ADD2: variants seen among roughly 807,000 people sequenced by gnomAD.
The protein encoded by ADD2 is beta-adducin.
In ADD2, 23 loss-of-function variants were observed where a neutral mutation model predicts 83.0. That is an observed-to-expected ratio of 0.28 (90% CI 0.20 to 0.39). The LOEUF (loss-of-function observed/expected upper bound fraction) is 0.39. Among genes scored for constraint, ADD2 ranks in the 10% least tolerant of loss-of-function variants. The pLI is 1.00. For missense variants in ADD2, 758 were observed against 944.9 expected (o/e 0.80, Z 2.59); for synonymous variants, 375 against 375.4 (o/e 1.00, Z 0.01).
chr2:70,742,376 T>C (rs1414006989), intron 1 of ADD2, among the ~76,000 whole-genome samples: 2 of 152,174 alleles, frequency 1.3e-5, no homozygotes, highest in Non-Finnish European at 2.9e-5. Flanking sequence ...CAGCTACATC[T>C]GCTTGGAATC....
intron 1 of ADD2, among the ~76,000 whole-genome samples, chr2:70,741,112 G>T (rs1411278986): frequency 6.6e-6 from 1 of 152,198 alleles, no homozygotes. Flanking sequence ...AAAAAGAAAT[G>T]ATAAATTGCC....
At position 70,663,413 on chromosome 2, in the gene ADD2, G is replaced by C. The variant is rs2104137808; in HGVS notation, c.*12C>G. ...AGAGAGGAGGCAGGAGGGAGCCCAAGGGTGTCATGAATCAGGACTCCACTT... is the reference window on the plus strand; with the variant it reads ...AGAGAGGAGGCAGGAGGGAGCCCAACGGTGTCATGAATCAGGACTCCACTT... On this transcript the variant is annotated 3_prime_UTR_variant, in exon 16 of 16. Coordinates refer to ENST00000264436, the MANE Select transcript of ADD2 (RefSeq NM_001617.4). 2.5e-6 allele frequency: 4 copies of C among 1,607,284 alleles called. No individual in the cohort carries two copies. The highest frequency in any genetic ancestry group is 2.2e-5 in the South Asian group (2 of 90,084).
chr2:70,674,746 C>T lies in ADD2; in HGVS notation c.1673G>A (p.Ser558Asn). Residue 558 changes from serine to asparagine, a missense_variant, in exon 14 of 16, where the codon AGC becomes AAC. Transcript: ENST00000264436. ...CTCCAACTCCTGGTCAGTGAGTTGG[C>T]TGAAGGGGTTGGGCACCGTCTCCTC... is the stretch of plus-strand genomic sequence containing the variant. ...DSEETVPNPF[S>N]QLTDQELEEY... 1.9e-6 allele frequency: 3 copies of T among 1,614,138 alleles called. No homozygotes were observed. Among genetic ancestry groups the T allele is most frequent in the Non-Finnish European group, 2.5e-6 (3 of 1,180,008 alleles).
Position 70,713,067 on chromosome 2 carries a change from G to C in ADD2, c.-36C>G, listed in dbSNP as rs535939647. On this transcript the variant is annotated splice_region_variant and 5_prime_UTR_variant, in exon 2 of 16. Transcript: ENST00000264436. ...CACCAGAAACTACTGCTTACTTACC[G>C]GGAGGCTGGCCCAGCCCTGTCCAAG... 1 of 984,868 alleles carries C rather than the reference G, an allele frequency of 1.0e-6. No homozygotes were observed. The highest frequency in any genetic ancestry group is 4.7e-5 in the South Asian group (1 of 21,270). 61.0% of individuals were successfully genotyped at this position (984,868 alleles called of 1,614,324 possible). A position where few individuals can be genotyped will look rare whatever the true frequency, so the allele number is the denominator to read the frequency against.
At chr2:70,750,803 A>C (rs1292626270) in intron 1 of ADD2, among the ~76,000 whole-genome samples, 1 of 152,190 alleles carries the variant, frequency 6.6e-6, no homozygotes, top group African/African-American at 2.4e-5. Context: ...CTGGGAAATT[A>C]ATATACTCTG....
chr2:70,744,768 A>G (rs1337053883), intron 1 of ADD2, among the ~76,000 whole-genome samples: 4 of 152,168 alleles, frequency 2.6e-5, no homozygotes, highest in African/African-American at 4.8e-5. Flanking sequence ...GGGATGGGTC[A>G]CTAGTGGGCG....
At chr2:70,693,471 C>T (rs1553372078) in intron 6 of ADD2, among the ~76,000 whole-genome samples, 2 of 152,132 alleles carry the variant, frequency 1.3e-5, no homozygotes, top group African/African-American at 2.4e-5. Flanking sequence ...TCACCCCCAC[C>T]CCAGAAAGTC....
chr2:70,704,263 T>TGCCCCCCCCCCCCCCCCCCCCCCCC, intron 4 of ADD2, 58 bp downstream of exon 4: 28 of 913,232 alleles, frequency 3.1e-5, no homozygotes, highest in Non-Finnish European at 3.7e-5. Context: ...CTCCCTCTCT[T>TGCCCCCCCCCCCCCCCCCCCCCCCC]CCCCACCCCA....
rs1156820889 is a variant in ADD2, at chr2:70,662,200, C to G, written c.*1225G>C. The G allele has an allele frequency of 1.3e-5, 2 of 152,198 alleles. No homozygotes were observed. The highest frequency in any genetic ancestry group is 6.5e-5 in the Admixed American group (1 of 15,278). 9.4% of individuals were successfully genotyped at this position (152,198 alleles called of 1,614,324 possible). A position where few individuals can be genotyped will look rare whatever the true frequency, so the allele number is the denominator to read the frequency against. On this transcript the variant is annotated 3_prime_UTR_variant, in exon 16 of 16. Transcript: ENST00000264436. ...CATTAATCAATGCCCCACGGAAGAA[C>G]ATGAGAAGACAGTGTTGGCATTTAA...
At chr2:70,708,926 A>G (rs138385714) in intron 2 of ADD2, among the ~76,000 whole-genome samples, 241 of 152,068 alleles carry the variant, frequency 1.6e-3, no homozygotes, top group African/African-American at 5.6e-3. Context: ...TCTGTATCTC[A>G]CTTCCATTTT....
chr2:70,697,893 AC>A (rs1291263975), intron 4 of ADD2, among the ~76,000 whole-genome samples: 3 of 152,236 alleles, frequency 2.0e-5, no homozygotes, highest in African/African-American at 7.2e-5. Flanking sequence ...GGCCTTGCCA[AC>A]CAGAGGTGAT....
intron 1 of ADD2, among the ~76,000 whole-genome samples, chr2:70,735,202 CCAAA>C (rs1247623096): frequency 4.0e-5 from 6 of 151,596 alleles, no homozygotes; most frequent in Non-Finnish European, 7.4e-5. Flanking sequence ...AGTGAGACAC[CCAAA>C]CAGAGAAAAG....
chr2:70,666,388 G>C (rs1256323944), intron 15 of ADD2, among the ~76,000 whole-genome samples: 1 of 152,226 alleles, frequency 6.6e-6, no homozygotes, highest in African/African-American at 2.4e-5. Flanking sequence ...CCAGCCCTGA[G>C]TGCTGGCCTT....
rs1279014970 is a variant in ADD2, at chr2:70,762,580, A to G, written c.-154+5306T>C. ...GTAAAAACATATAAAATATACACAAATACATGTTTATATATATAATTACAT... is the reference window on the plus strand; with the variant it reads ...GTAAAAACATATAAAATATACACAAGTACATGTTTATATATATAATTACAT... On this transcript the variant is annotated intron_variant, in intron 1 of 15. Coordinates refer to ENST00000264436, the MANE Select transcript of ADD2 (RefSeq NM_001617.4). Among the ~76,000 whole-genome samples the G allele has an allele frequency of 2.0e-5, 3 of 150,616 alleles. No homozygotes were observed. The East Asian group carries it at 5.8e-4, about 29-fold the overall frequency.
chr2:70,749,708 T>C (rs1398165002), intron 1 of ADD2, among the ~76,000 whole-genome samples: 2 of 152,076 alleles, frequency 1.3e-5, no homozygotes, highest in African/African-American at 4.8e-5. Context: ...TCCTCCTCCT[T>C]CTCCCTGTCT....
chr2:70,673,921 A>T (rs1239888989), intron 14 of ADD2, among the ~76,000 whole-genome samples: 2 of 152,158 alleles, frequency 1.3e-5, no homozygotes, highest in Admixed American at 6.5e-5. Flanking sequence ...CTTTGTGTCC[A>T]GGAAGGTGGC....
In ADD2 at chr2:70,694,933, C is replaced by T. The variant is rs1321957604; in HGVS notation, c.555+788G>A. Among the ~76,000 whole-genome samples the T allele has an allele frequency of 4.6e-5, 7 of 152,020 alleles. No homozygotes were observed. The East Asian group carries it at 9.7e-4, about 21-fold the overall frequency. ...CTTTTCTCTGTGGTCCCAACTCTGA[C>T]TTGGCCATCATCTCCTTGGGTAGCC... On this transcript the variant is annotated intron_variant, in intron 6 of 15. Coordinates refer to ENST00000264436, the MANE Select transcript of ADD2 (RefSeq NM_001617.4).
chr2:70,763,684 G>A (rs1675232829), intron 1 of ADD2, among the ~76,000 whole-genome samples: 1 of 151,866 alleles, frequency 6.6e-6, no homozygotes, highest in African/African-American at 2.4e-5. Flanking sequence ...CAATAGGTAA[G>A]TCTTTCACAT....
chr2:70,700,525 T>C (rs1329108696), intron 4 of ADD2, among the ~76,000 whole-genome samples: 2 of 152,140 alleles, frequency 1.3e-5, no homozygotes, highest in Non-Finnish European at 2.9e-5. Flanking sequence ...ATACATTTTA[T>C]GCTGCTCTAG....
Sources: gnomAD v4.1 joint callset for allele counts (sites outside exome capture counted in the v4.1 genomes callset) on GRCh38, gnomAD v4.1.1 for gene constraint, MANE v1.5 for transcripts, NCBI Gene and HGNC (gene_info 2026-07-23, HGNC 2026-07-21) for gene names.